DUSP13A: variants seen among roughly 807,000 people sequenced by gnomAD.
The protein encoded by DUSP13A is dual specificity protein phosphatase 13A.
chr10:75,106,369 C>G, the DUSP13A span, among the ~76,000 whole-genome samples: 1 of 152,218 alleles, frequency 6.6e-6, no homozygotes, highest in South Asian at 2.1e-4. Context: ...TTTCTGACCT[C>G]CAGCCTTACC....
chr10:75,108,157 G>T, the DUSP13A span: 3 of 1,612,722 alleles, frequency 1.9e-6, no homozygotes, highest in Non-Finnish European at 2.5e-6. Context: ...GCGGCGTTCA[G>T]CACGTGGGTG....
chr10:75,109,117 T>C, the DUSP13A span: 8 of 1,610,564 alleles, frequency 5.0e-6, no homozygotes, highest in African/African-American at 1.1e-4. Context: ...AGGCGTGGCT[T>C]TGTCCTCTCC....
the DUSP13A span, among the ~76,000 whole-genome samples, chr10:75,107,611 C>CTT: frequency 6.6e-6 from 1 of 152,014 alleles, no homozygotes; most frequent in Non-Finnish European, 1.5e-5. Context: ...GAGTTTCGCC[C>CTT]TTTTGCCCAG....
At chr10:75,108,325 C>A in the DUSP13A span, 3 of 1,460,528 alleles carry the variant, frequency 2.1e-6, no homozygotes, top group Non-Finnish European at 2.7e-6. Flanking sequence ...GAGAGTCCAA[C>A]CCCAGCAAGC....
At chr10:75,108,970 C>T in the DUSP13A span, 14 of 1,560,938 alleles carry the variant, frequency 9.0e-6, no homozygotes, top group South Asian at 2.4e-5. Context: ...TGCCTCTCCA[C>T]GTCCCCACCC....
chr10:75,108,928 A>G, the DUSP13A span: 2 of 1,503,072 alleles, frequency 1.3e-6, no homozygotes, highest in East Asian at 2.5e-5. Context: ...CCTTGTTTCC[A>G]CCCTCCTGTG....
the DUSP13A span, among the ~76,000 whole-genome samples, chr10:75,106,280 G>A: frequency 4.0e-5 from 6 of 151,860 alleles, no homozygotes; most frequent in African/African-American, 1.2e-4. Flanking sequence ...GGCCCCTGTC[G>A]CCTCATCTCA....
At chr10:75,108,089 G>A in the DUSP13A span, 1 of 1,613,886 alleles carries the variant, frequency 6.2e-7, no homozygotes, top group Non-Finnish European at 8.5e-7. Context: ...GCACCCCCAG[G>A]TAGCTCACAC....
chr10:75,109,014 T>A, the DUSP13A span: 2 of 1,603,296 alleles, frequency 1.2e-6, no homozygotes, highest in Non-Finnish European at 1.7e-6. Context: ...CTCACGCATC[T>A]CCTATGAAAA....
chr10:75,107,204 G>A, the DUSP13A span, among the ~76,000 whole-genome samples: 3 of 152,170 alleles, frequency 2.0e-5, no homozygotes, highest in South Asian at 2.1e-4. Flanking sequence ...GTATGGTGGC[G>A]GATGCCTGTA....
chr10:75,105,969 A>T, the DUSP13A span: 42 of 1,103,046 alleles, frequency 3.8e-5, no homozygotes, highest in South Asian at 6.3e-4. Context: ...CCTTGGGTGC[A>T]CTCTGTGATC....
At chr10:75,108,007 G>A in the DUSP13A span, 5 of 1,612,664 alleles carry the variant, frequency 3.1e-6, no homozygotes, top group African/African-American at 5.3e-5. Context: ...GGCGTGTTGA[G>A]GGCACGGTGG....
the DUSP13A span, chr10:75,105,717 G>C: frequency 6.4e-7 from 1 of 1,553,834 alleles, no homozygotes; most frequent in Non-Finnish European, 8.7e-7. Context: ...TGCAGAGCTG[G>C]TGCAGGAAGC....
At chr10:75,106,305 C>A in the DUSP13A span, among the ~76,000 whole-genome samples, 6 of 152,050 alleles carry the variant, frequency 3.9e-5, no homozygotes, top group South Asian at 6.2e-4. Flanking sequence ...GTCCCTCCCC[C>A]ACCTTCAGCT....
the DUSP13A span, among the ~76,000 whole-genome samples, chr10:75,107,607 C>T: frequency 1.3e-5 from 2 of 151,754 alleles, no homozygotes; most frequent in African/African-American, 2.4e-5. Flanking sequence ...GATGGAGTTT[C>T]GCCCTTTTGC....
chr10:75,106,010 C>T, the DUSP13A span: 8 of 733,392 alleles, frequency 1.1e-5, no homozygotes, highest in African/African-American at 1.8e-5. Context: ...TTATGGACCT[C>T]AGTTTCCTGA....
At chr10:75,108,213 G>T in the DUSP13A span, 1 of 1,593,750 alleles carries the variant, frequency 6.3e-7, no homozygotes, top group Non-Finnish European at 8.5e-7. Flanking sequence ...CGTGGCCCTG[G>T]GGAGGGCAGG....
the DUSP13A span, chr10:75,109,040 C>T: frequency 2.5e-6 from 4 of 1,611,478 alleles, no homozygotes; most frequent in Non-Finnish European, 3.4e-6. Context: ...GGCCAAACTT[C>T]GTCCACACGG....
the DUSP13A span, among the ~76,000 whole-genome samples, chr10:75,106,870 C>T: frequency 6.6e-6 from 1 of 152,200 alleles, no homozygotes; most frequent in Non-Finnish European, 1.5e-5. Context: ...TCTTGTCATT[C>T]CTGTCACATA....
Sources: allele counts gnomAD v4.1 joint callset (sites outside exome capture counted in the v4.1 genomes callset), GRCh38; gene constraint gnomAD v4.1.1; transcripts MANE v1.5; gene names NCBI Gene and HGNC (gene_info 2026-07-23, HGNC 2026-07-21).